CTNNA3: variants seen among roughly 807,000 people sequenced by gnomAD.
CTNNA3 encodes catenin alpha 3, also known as catenin alpha-3.
CTNNA3 carries 76 observed loss-of-function variants against 95.7 expected under a neutral mutation model. The ratio of observed to expected loss-of-function variants is 0.79; its 90% CI spans 0.66 to 0.96. The LOEUF (loss-of-function observed/expected upper bound fraction) is 0.96. CTNNA3 is among the 40% of genes least tolerant of loss of function. The pLI is 0.00. For missense variants in CTNNA3, 1,191 were observed against 1,089.8 expected, an observed-to-expected ratio of 1.09 and a Z score of -1.31; for synonymous variants, 431 against 374.4, an observed-to-expected ratio of 1.15 and a Z score of -1.74.
chr10:66,039,518 C>T (rs1012169611), intron 15 of CTNNA3, among the ~76,000 whole-genome samples: 1 of 152,118 alleles, frequency 6.6e-6, no homozygotes, highest in Non-Finnish European at 1.5e-5. Flanking sequence ...GGTAATGGTA[C>T]AAAACAGATA....
chr10:66,541,270 T>C (rs1018647252), intron 10 of CTNNA3, among the ~76,000 whole-genome samples: 3 of 152,158 alleles, frequency 2.0e-5, no homozygotes, highest in African/African-American at 7.2e-5. Context: ...TTCTGCTCAG[T>C]CTTCCAGAGC....
rs139840173 is a variant in CTNNA3 at position 66,523,581 on chromosome 10, C to CT, written c.1375-2809dup. Among the ~76,000 whole-genome samples the CT allele has an allele frequency of 7.2e-5, 11 of 151,794 alleles. No individual in the cohort carries two copies. The South Asian group carries it at 1.0e-3, about 14-fold the overall frequency. ...AAATCTTCTTCACGTAAAACTAAAG[C>CT]TTTTTTTTAAAATGAATTATGTTGC... On this transcript the variant is annotated intron_variant, in intron 10 of 17. Transcript: ENST00000433211.
intron 1 of CTNNA3, among the ~76,000 whole-genome samples, chr10:67,723,161 A>G (rs190986164): frequency 6.6e-6 from 1 of 151,370 alleles, no homozygotes; most frequent in East Asian, 1.9e-4. Context: ...TAATTTTTGT[A>G]TTTTTAGTTG....
At chr10:66,142,249 A>G (rs2083657000) in intron 13 of CTNNA3, among the ~76,000 whole-genome samples, 1 of 152,150 alleles carries the variant, frequency 6.6e-6, no homozygotes, top group African/African-American at 2.4e-5. Context: ...CTCCAAAACC[A>G]TTTGTTGAAA....
intron 12 of CTNNA3, among the ~76,000 whole-genome samples, chr10:66,353,414 C>T (rs757236949): frequency 2.6e-5 from 4 of 152,020 alleles, no homozygotes; most frequent in South Asian, 2.1e-4. Flanking sequence ...CTGTTGGATG[C>T]GCAGCTCACT....
At chr10:66,756,278 A>C (rs776645656) in intron 9 of CTNNA3, among the ~76,000 whole-genome samples, 5 of 152,188 alleles carry the variant, frequency 3.3e-5, no homozygotes, top group Non-Finnish European at 5.9e-5. Flanking sequence ...ACCAAAGTGA[A>C]ACTCTCTAAG....
At chr10:67,192,526 A>C (rs912217245) in intron 6 of CTNNA3, among the ~76,000 whole-genome samples, 5 of 151,982 alleles carry the variant, frequency 3.3e-5, no homozygotes, top group African/African-American at 1.2e-4. Flanking sequence ...CTGATCATCA[A>C]GGGAAATGCA....
Position 66,078,690 on chromosome 10 carries a change from C to T in CTNNA3, c.1978-9201G>A, listed in dbSNP as rs199708465. ...TAAATATAAATATTGCAAAGATTTA[C>T]ACTAAATTTAATTTATTTAATTGCA... On this transcript the variant is annotated intron_variant, in intron 14 of 17. Coordinates refer to ENST00000433211, the MANE Select transcript of CTNNA3 (RefSeq NM_013266.4). Among the ~76,000 whole-genome samples, 14 of 152,020 alleles carry T rather than the reference C, an allele frequency of 9.2e-5. No homozygotes were observed. In the East Asian group the frequency reaches 2.7e-3, roughly 29 times the overall value.
chr10:66,754,589 T>C (rs1322794983), intron 9 of CTNNA3, among the ~76,000 whole-genome samples: 2 of 152,038 alleles, frequency 1.3e-5, no homozygotes, highest in African/African-American at 2.4e-5. Context: ...ACCCACAGCA[T>C]GGAAGAAAAA....
chr10:66,093,474 G>T (rs10822716), intron 14 of CTNNA3, among the ~76,000 whole-genome samples: 29,918 of 151,768 alleles, frequency 0.2, 3,036 homozygotes, highest in South Asian at 0.36. Flanking sequence ...ACTTTTGAAA[G>T]GAAGTAAAAA....
At position 66,597,511 on chromosome 10, in the gene CTNNA3, C is replaced by CATATATATATAT. The variant is rs369390875; in HGVS notation, c.1374+24169_1374+24180dup. ...GGTCAACATGGCATTTTATTTCATA[C>CATATATATATAT]ATATATATATATATATATATATATA... On this transcript the variant is annotated intron_variant, in intron 10 of 17. Coordinates refer to ENST00000433211, the MANE Select transcript of CTNNA3 (RefSeq NM_013266.4). Among the ~76,000 whole-genome samples the CATATATATATAT allele has an allele frequency of 1.0e-3, 72 of 70,948 alleles. 1 individual carries two copies. The highest frequency in any genetic ancestry group is 1.5e-3 in the Non-Finnish European group (52 of 33,918). 46.5% of individuals were successfully genotyped at this position (70,948 alleles called of 152,430 possible). A position where few individuals can be genotyped will look rare whatever the true frequency, so the allele number is the denominator to read the frequency against.
chr10:66,588,404 A>G (rs998465395), intron 10 of CTNNA3, among the ~76,000 whole-genome samples: 1 of 152,102 alleles, frequency 6.6e-6, no homozygotes, highest in Non-Finnish European at 1.5e-5. Context: ...TCTGCACACT[A>G]TTTTGTCTTT....
At chr10:67,200,662 CCCA>C (rs981627474) in intron 6 of CTNNA3, among the ~76,000 whole-genome samples, 22 of 152,094 alleles carry the variant, frequency 1.4e-4, no homozygotes, top group Non-Finnish European at 2.6e-4. Context: ...TGCAAAGATG[CCCA>C]CAAGTCATAT....
intron 9 of CTNNA3, among the ~76,000 whole-genome samples, chr10:66,688,965 A>G (rs57434776): frequency 2.3e-4 from 23 of 100,322 alleles, no homozygotes; most frequent in Middle Eastern, 6.1e-3. Context: ...CTCCATCTCA[A>G]AAAAAAAAAA....
At chr10:67,427,735 T>A (rs2054682334) in intron 5 of CTNNA3, among the ~76,000 whole-genome samples, 2 of 151,750 alleles carry the variant, frequency 1.3e-5, no homozygotes, top group African/African-American at 4.8e-5. Flanking sequence ...GAGCTGGGGG[T>A]CTGAGGATTC....
chr10:66,236,657 G>C (rs1198000122), intron 13 of CTNNA3, among the ~76,000 whole-genome samples: 1 of 152,050 alleles, frequency 6.6e-6, no homozygotes, highest in African/African-American at 2.4e-5. Context: ...TCAACTTTAT[G>C]ATAATTTATC....
chr10:66,428,873 A>G (rs1326445571), intron 11 of CTNNA3, among the ~76,000 whole-genome samples: 2 of 152,036 alleles, frequency 1.3e-5, no homozygotes, highest in Non-Finnish European at 2.9e-5. Flanking sequence ...CACATTCAAA[A>G]GCTAGCAGAA....
intron 6 of CTNNA3, among the ~76,000 whole-genome samples, chr10:67,192,462 T>C (rs932370801): frequency 8.6e-5 from 13 of 151,896 alleles, no homozygotes; most frequent in African/African-American, 3.1e-4. Context: ...TATACATTTC[T>C]GAAAAAGAAA....
At chr10:67,249,570 ATG>A (rs1866028531) in intron 5 of CTNNA3, among the ~76,000 whole-genome samples, 2 of 102,244 alleles carry the variant, frequency 2.0e-5, no homozygotes, top group Admixed American at 8.5e-5. Context: ...TTTCTACCGT[ATG>A]TATTACCGAG....
Sources: allele counts gnomAD v4.1 joint callset (sites outside exome capture counted in the v4.1 genomes callset), GRCh38; gene constraint gnomAD v4.1.1; transcripts MANE v1.5; gene names NCBI Gene and HGNC (gene_info 2026-07-23, HGNC 2026-07-21).